Variants in ACVR1 observed in about 807,000 individuals in gnomAD.
The protein encoded by ACVR1 is activin A receptor type 1.
Under a neutral mutation model 57.1 loss-of-function variants are expected in ACVR1, and 38 were observed. That is an observed-to-expected ratio of 0.67 (90% CI 0.51 to 0.87). ACVR1 has a LOEUF of 0.87. Ranked by LOEUF, ACVR1 falls within the 40% of genes least tolerant of loss-of-function variation. ACVR1 has a pLI of 0.00. For missense variants in ACVR1, 463 were observed against 638.2 expected (o/e 0.73, Z 2.96); for synonymous variants, 212 against 228.1 (o/e 0.93, Z 0.63).
chr2:157,780,624 G>GGA (rs1559053071), intron 3 of ACVR1, 24 bp from the exon 4 acceptor site: 262 of 1,227,232 alleles, frequency 2.1e-4, no homozygotes, highest in Admixed American at 6.0e-4. Flanking sequence ...AAAGGAAGGG[G>GGA]AAAAAAAAAA....
chr2:157,858,030 G>C (rs534923698), intron 1 of ACVR1, among the ~76,000 whole-genome samples: 63 of 150,794 alleles, frequency 4.2e-4, no homozygotes, highest in African/African-American at 1.5e-3. Context: ...TTTTTCGTCA[G>C]TAAAAACTTA....
chr2:157,811,447 A>C (rs765598712), intron 2 of ACVR1, among the ~76,000 whole-genome samples: 13 of 152,170 alleles, frequency 8.5e-5, no homozygotes, highest in Non-Finnish European at 1.8e-4. Flanking sequence ...TTAATATTTA[A>C]ATTTTTTATT....
Position 157,738,677 on chromosome 2 carries a change from A to T in ACVR1, c.1265-107T>A, listed in dbSNP as rs528893807. 4.6e-5 allele frequency: 71 copies of T among 1,544,030 alleles called. 2 individuals are homozygous for T. The East Asian group carries it at 1.6e-3, about 34-fold the overall frequency. On this transcript the variant is annotated intron_variant, in intron 9 of 10. Coordinates refer to ENST00000434821, the MANE Select transcript of ACVR1 (RefSeq NM_001111067.4). ...TATAATGTGACAGAAGAAAATACTA[A>T]TCACCTTCCTCATACCTCAGGGCAG...
At position 157,868,603 on chromosome 2, in the gene ACVR1, C is replaced by G. The variant is rs577587337; in HGVS notation, c.-183+7193G>C. On this transcript the variant is annotated intron_variant, in intron 1 of 10. Coordinates refer to ENST00000434821, the MANE Select transcript of ACVR1 (RefSeq NM_001111067.4). The stretch of plus-strand genomic sequence containing the variant: ...TTTGGAATGTTGCCTATGCTACAAC[C>G]TATACACATACAGATACCTCTCAAA... Among the ~76,000 whole-genome samples, 8 of 152,294 alleles carry G rather than the reference C, an allele frequency of 5.3e-5. No homozygotes were observed. The East Asian group carries it at 1.5e-3, about 29-fold the overall frequency.
chr2:157,805,760 TTC>T (rs1687495881), intron 2 of ACVR1, among the ~76,000 whole-genome samples: 1 of 152,010 alleles, frequency 6.6e-6, no homozygotes, highest in East Asian at 1.9e-4. Context: ...AGCAATCTTG[TTC>T]TGTCATCCTT....
intron 9 of ACVR1, among the ~76,000 whole-genome samples, chr2:157,747,814 C>CA (rs113979234): frequency 0.11 from 16,272 of 151,886 alleles, 2,450 homozygotes; most frequent in African/African-American, 0.34. Context: ...GAACAGAGAA[C>CA]AAAAGAGAAA....
At chr2:157,843,886 A>G (rs1689049848) in intron 1 of ACVR1, among the ~76,000 whole-genome samples, 1 of 152,218 alleles carries the variant, frequency 6.6e-6, no homozygotes, top group Non-Finnish European at 1.5e-5. Flanking sequence ...AAAAAACATG[A>G]GAGCAGTACT....
intron 7 of ACVR1, 71 bp downstream of exon 7, chr2:157,770,297 A>G: frequency 6.4e-7 from 1 of 1,570,378 alleles, no homozygotes; most frequent in East Asian, 2.2e-5. Flanking sequence ...ATTCACCAAA[A>G]CGGAGAGAGC....
chr2:157,847,154 T>G (rs565906885), intron 1 of ACVR1, among the ~76,000 whole-genome samples: 1 of 152,352 alleles, frequency 6.6e-6, no homozygotes, highest in African/African-American at 2.4e-5. Context: ...TATTTTACAT[T>G]TGAACTTATT....
chr2:157,764,488 G>A (rs1439373170), intron 8 of ACVR1, among the ~76,000 whole-genome samples: 2 of 151,220 alleles, frequency 1.3e-5, no homozygotes, highest in Admixed American at 6.6e-5. Flanking sequence ...GATTACAAGC[G>A]TGAGCCACCG....
intron 2 of ACVR1, among the ~76,000 whole-genome samples, chr2:157,809,492 C>G (rs1394238469): frequency 6.6e-6 from 1 of 151,972 alleles, no homozygotes; most frequent in Non-Finnish European, 1.5e-5. Flanking sequence ...AATGGGTTAG[C>G]ATCCAAGTAA....
rs941791275 is a variant in ACVR1 at position 157,791,431 on chromosome 2, C to G, written c.67+7996G>C. The stretch of plus-strand genomic sequence containing the variant: ...ATTATTCTAGCCAACATTATTTATT[C>G]ATTTGTCAAATATTTATTGAGCACC... On this transcript the variant is annotated intron_variant, in intron 3 of 10. Transcript: ENST00000434821. Among the ~76,000 whole-genome samples the G allele has an allele frequency of 2.0e-5, 3 of 152,170 alleles. No individual in the cohort carries two copies. In the South Asian group the frequency reaches 6.2e-4, roughly 32 times the overall value.
Position 157,863,336 on chromosome 2 carries a change from C to CTTTTTTTTTTT in ACVR1, c.-183+12449_-183+12459dup, listed in dbSNP as rs1161335923. ...CCTATAGAACAGTTAAATTGTTTCTCTTTTTTTTTTTTTTTTTTTTTTTTT... is the reference window on the plus strand; with the variant it reads ...CCTATAGAACAGTTAAATTGTTTCTCTTTTTTTTTTTTTTTTTTTTTTTTTTTTTTTTTTTT... On this transcript the variant is annotated intron_variant, in intron 1 of 10. Coordinates refer to ENST00000434821, the MANE Select transcript of ACVR1 (RefSeq NM_001111067.4). Among the ~76,000 whole-genome samples, 32 of 35,688 alleles carry CTTTTTTTTTTT rather than the reference C, an allele frequency of 9.0e-4. 10 individuals carry two copies. The highest frequency in any genetic ancestry group is 3.6e-3 in the Admixed American group (6 of 1,668). 23.4% of individuals were successfully genotyped at this position (35,688 alleles called of 152,430 possible).
intron 1 of ACVR1, among the ~76,000 whole-genome samples, chr2:157,859,161 C>G (rs748269602): frequency 2.0e-5 from 3 of 152,144 alleles, no homozygotes; most frequent in Admixed American, 2.0e-4. Context: ...GAGGTCGGCA[C>G]AAGATGCGGG....
chr2:157,819,700 A>C (rs530760531), intron 1 of ACVR1, among the ~76,000 whole-genome samples: 82 of 152,234 alleles, frequency 5.4e-4, no homozygotes, highest in Non-Finnish European at 9.9e-4. Flanking sequence ...AAAGGCTCAT[A>C]AAACAATGGT....
chr2:157,760,758 A>G, intron 9 of ACVR1, 122 bp downstream of exon 9: 1 of 989,814 alleles, frequency 1.0e-6, no homozygotes, highest in Non-Finnish European at 1.5e-6. Flanking sequence ...ATGAATGCCT[A>G]TAACTCGACA....
At chr2:157,841,167 G>A (rs1245539001) in intron 1 of ACVR1, among the ~76,000 whole-genome samples, 2 of 152,100 alleles carry the variant, frequency 1.3e-5, no homozygotes, top group Non-Finnish European at 2.9e-5. Flanking sequence ...ATCAAAAAGT[G>A]GGGATATTAA....
At chr2:157,755,688 T>C (rs1042467505) in intron 9 of ACVR1, among the ~76,000 whole-genome samples, 3 of 152,028 alleles carry the variant, frequency 2.0e-5, no homozygotes, top group African/African-American at 7.2e-5. Flanking sequence ...TGGAAACATA[T>C]CCCATGCTCA....
rs1396006345 is a variant in ACVR1 at position 157,855,300 on chromosome 2, G to A, written c.-183+20496C>T. On this transcript the variant is annotated intron_variant, in intron 1 of 10. Coordinates refer to ENST00000434821, the MANE Select transcript of ACVR1 (RefSeq NM_001111067.4). Reference sequence around the variant, plus strand: ...TGTGTGTGTGTGTGTGTGTGTGTGTGTGTGTGTGTATATATATATATATAC... The same window carrying A: ...TGTGTGTGTGTGTGTGTGTGTGTGTATGTGTGTGTATATATATATATATAC... Among the ~76,000 whole-genome samples, 312 of 69,278 alleles carry A rather than the reference G, an allele frequency of 4.5e-3. 4 individuals carry two copies. The highest frequency in any genetic ancestry group is 5.3e-3 in the South Asian group (7 of 1,330). The allele number at this position is 69,278 out of a possible 152,430, so 45.4% of individuals were successfully genotyped here.
Sources: allele counts gnomAD v4.1 joint callset (sites outside exome capture counted in the v4.1 genomes callset), GRCh38; gene constraint gnomAD v4.1.1; transcripts MANE v1.5; gene names NCBI Gene and HGNC (gene_info 2026-07-23, HGNC 2026-07-21).